HFM1: variants seen among roughly 807,000 people sequenced by gnomAD.
HFM1 encodes the protein helicase for meiosis 1.
A neutral mutation model predicts 192.1 loss-of-function variants in HFM1; 169 were observed. The ratio of observed to expected loss-of-function variants is 0.88; its 90% CI spans 0.78 to 1.00. The LOEUF (loss-of-function observed/expected upper bound fraction) is 1.00. HFM1 is among the 50% of genes least tolerant of loss of function. The pLI, the probability that HFM1 is intolerant of heterozygous loss-of-function variation, is 0.00. For synonymous variants in HFM1, 525 were observed against 537.8 expected, an observed-to-expected ratio of 0.98 and a Z score of 0.33; for missense variants, 1,661 against 1,668.0, an observed-to-expected ratio of 1.00 and a Z score of 0.07.
rs547417441 is a variant in HFM1 at position 91,334,798 on chromosome 1, G to A, written c.2335+8632C>T. ...ACAAAAATTAGCTGGGCGTGGTGGC[G>A]GGCACCTGTAGTCCCAGCTACTCAG... is the stretch of plus-strand genomic sequence containing the variant. On this transcript the variant is annotated intron_variant, in intron 20 of 38. Coordinates refer to ENST00000370425, the MANE Select transcript of HFM1 (RefSeq NM_001017975.6). 1.2e-3 allele frequency among the ~76,000 whole-genome samples: 175 copies of A among 151,892 alleles called. No individual in the cohort carries two copies. In the Middle Eastern group the frequency reaches 0.014, roughly 12 times the overall value.
intron 5 of HFM1, among the ~76,000 whole-genome samples, 156 bp from the exon 6 acceptor site, chr1:91,385,390 G>A (rs1458660254): frequency 6.6e-6 from 1 of 151,974 alleles, no homozygotes; most frequent in African/African-American, 2.4e-5. Flanking sequence ...AATATTTTTA[G>A]CACACAGGAT....
At chr1:91,309,058 T>A (rs1320707915) in intron 30 of HFM1, among the ~76,000 whole-genome samples, 2 of 152,204 alleles carry the variant, frequency 1.3e-5, no homozygotes, top group African/African-American at 4.8e-5. Flanking sequence ...AAATGGAAGC[T>A]CTTTTGTGTT....
Position 91,379,196 on chromosome 1 carries a change from AAGGCTT to A in HFM1, c.1019_1024del (p.Lys340_Leu342delinsMet). The A allele has an allele frequency of 6.2e-7, 1 of 1,606,564 alleles. No individual in the cohort carries two copies. Among genetic ancestry groups the A allele is most frequent in the Non-Finnish European group, 8.5e-7 (1 of 1,177,358 alleles). ...CCAGTCATCAAAACGCTGACTGCAC[AAGGCTT>A]TTATTGGTGCCACTGTAACAATATA... is the stretch of plus-strand genomic sequence containing the variant. On this transcript the variant is annotated inframe_deletion, in exon 9 of 39. Transcript: ENST00000370425.
chr1:91,363,855 G>A (rs1470286096), intron 13 of HFM1, among the ~76,000 whole-genome samples: 11 of 152,096 alleles, frequency 7.2e-5, no homozygotes, highest in South Asian at 2.1e-4. Context: ...CTACACAGCC[G>A]TAAAAAGGAA....
At chr1:91,299,563 A>T (rs1648321654) in intron 30 of HFM1, among the ~76,000 whole-genome samples, 1 of 152,228 alleles carries the variant, frequency 6.6e-6, no homozygotes, top group African/African-American at 2.4e-5. Context: ...ATGTAAAAGA[A>T]CAGAAATTAT....
chr1:91,308,758 A>T (rs1650012169), intron 30 of HFM1, among the ~76,000 whole-genome samples: 1 of 152,120 alleles, frequency 6.6e-6, no homozygotes, highest in African/African-American at 2.4e-5. Flanking sequence ...TGTGGGCCTC[A>T]CAATTTTTTT....
chr1:91,354,177 G>T (rs1362964118), intron 13 of HFM1, among the ~76,000 whole-genome samples: 3 of 151,066 alleles, frequency 2.0e-5, no homozygotes, highest in Admixed American at 6.6e-5. Flanking sequence ...TGGAGCTAAA[G>T]AATTAAATGA....
intron 30 of HFM1, among the ~76,000 whole-genome samples, chr1:91,285,170 C>T (rs925192984): frequency 1.3e-5 from 2 of 152,166 alleles, no homozygotes; most frequent in Non-Finnish European, 2.9e-5. Context: ...CATCGAACCT[C>T]ATTTTCTTTA....
intron 30 of HFM1, among the ~76,000 whole-genome samples, chr1:91,311,474 A>G (rs918920524): frequency 2.0e-5 from 3 of 152,020 alleles, no homozygotes; most frequent in Non-Finnish European, 4.4e-5. Flanking sequence ...AAAAATACAA[A>G]AATTAGCCGG....
At chr1:91,393,517 A>G (rs879608974) in intron 4 of HFM1, among the ~76,000 whole-genome samples, 3 of 152,172 alleles carry the variant, frequency 2.0e-5, no homozygotes, top group Admixed American at 2.0e-4. Flanking sequence ...TCAAACCAAA[A>G]ACCTAGGAGT....
Position 91,328,742 on chromosome 1 carries a change from C to A in HFM1, c.2336-3976G>T. The stretch of plus-strand genomic sequence containing the variant: ...GCAGGCTCAGGCTGCTGGGGCCGAG[C>A]AGGTGGTGGAAAAATTCACTAAGTG... On this transcript the variant is annotated intron_variant, in intron 20 of 38. Coordinates refer to ENST00000370425, the MANE Select transcript of HFM1 (RefSeq NM_001017975.6). The A allele has an allele frequency of 6.2e-6, 10 of 1,609,860 alleles. No individual in the cohort carries two copies. In the South Asian group the frequency reaches 9.9e-5, roughly 16 times the overall value.
At chr1:91,343,257 T>G (rs1384129434) in intron 20 of HFM1, among the ~76,000 whole-genome samples, 173 bp downstream of exon 20, 2 of 126,494 alleles carry the variant, frequency 1.6e-5, no homozygotes, top group African/African-American at 5.5e-5. Flanking sequence ...AAAAAAACTA[T>G]TACAAATAGG....
chr1:91,287,867 C>A (rs531520179), intron 30 of HFM1, among the ~76,000 whole-genome samples: 1 of 152,140 alleles, frequency 6.6e-6, no homozygotes. Context: ...GTGAAGAATG[C>A]AGAAGCCTCA....
intron 19 of HFM1, among the ~76,000 whole-genome samples, chr1:91,344,136 G>A (rs1383472033): frequency 2.6e-5 from 4 of 152,166 alleles, no homozygotes; most frequent in Non-Finnish European, 5.9e-5. Context: ...TTCTCTGACA[G>A]GAAGCAATGC....
chr1:91,406,566 G>A (rs903182539), upstream of HFM1, among the ~76,000 whole-genome samples: 4 of 152,188 alleles, frequency 2.6e-5, no homozygotes, highest in African/African-American at 4.8e-5. Context: ...ATTTTGGGGG[G>A]AGGGATTACC....
intron 30 of HFM1, among the ~76,000 whole-genome samples, chr1:91,283,908 A>G (rs1036078839): frequency 5.9e-5 from 9 of 152,192 alleles, no homozygotes; most frequent in Middle Eastern, 3.4e-3. Context: ...AAGCTACTGG[A>G]GTATTTTTTT....
chr1:91,297,868 C>T (rs190152926), intron 30 of HFM1, among the ~76,000 whole-genome samples: 1 of 152,174 alleles, frequency 6.6e-6, no homozygotes, highest in Non-Finnish European at 1.5e-5. Context: ...ACTGGAAACT[C>T]TAAAATTCAG....
At chr1:91,274,687 T>C in intron 33 of HFM1, 43 bp downstream of exon 33, 1 of 997,748 alleles carries the variant, frequency 1.0e-6, no homozygotes, top group Non-Finnish European at 1.6e-6. Flanking sequence ...GAACAGAGTT[T>C]ACGATAAATA....
chr1:91,291,582 T>G (rs1480408852), intron 30 of HFM1, among the ~76,000 whole-genome samples: 1 of 151,482 alleles, frequency 6.6e-6, no homozygotes, highest in African/African-American at 2.4e-5. Context: ...CGAAAAAGAG[T>G]CCAGGACCAG....
Sources: allele counts gnomAD v4.1 joint callset (sites outside exome capture counted in the v4.1 genomes callset), GRCh38; gene constraint gnomAD v4.1.1; transcripts MANE v1.5; gene names NCBI Gene and HGNC (gene_info 2026-07-23, HGNC 2026-07-21).